The following LANCL2 variants were observed in gnomAD, a reference collection of about 807,000 sequenced individuals.
LANCL2 encodes LanC like glutathione S-transferase 2.
LANCL2 carries 33 observed loss-of-function variants against 56.9 expected under a neutral mutation model. The ratio of observed to expected loss-of-function variants is 0.58; its 90% CI spans 0.44 to 0.78. The LOEUF (loss-of-function observed/expected upper bound fraction) is 0.78. Ranked by LOEUF, LANCL2 falls within the 30% of genes least tolerant of loss-of-function variation. The pLI is 0.00. For synonymous variants in LANCL2, 233 were observed against 228.2 expected, an observed-to-expected ratio of 1.02 and a Z score of -0.19; for missense variants, 562 against 580.2, an observed-to-expected ratio of 0.97 and a Z score of 0.32.
intron 1 of LANCL2, among the ~76,000 whole-genome samples, chr7:55,368,905 G>T (rs1789906084): frequency 6.6e-6 from 1 of 152,204 alleles, no homozygotes. Flanking sequence ...AGCACTTTGG[G>T]AGGTTGAGGC....
intron 1 of LANCL2, among the ~76,000 whole-genome samples, chr7:55,374,005 G>A (rs1404519935): frequency 6.6e-6 from 1 of 152,208 alleles, no homozygotes; most frequent in African/African-American, 2.4e-5. Flanking sequence ...GTACCATGCA[G>A]CAATTGTTTA....
rs1187947370 is a variant in LANCL2, at chr7:55,365,707, G to A, written c.-319G>A. ...CCGCGGACGGGCTCTGCGGGCCACGGGGAAGGTGCGAGGAGGCGCGAGCAG... is the reference window on the plus strand; with the variant it reads ...CCGCGGACGGGCTCTGCGGGCCACGAGGAAGGTGCGAGGAGGCGCGAGCAG... On this transcript the variant is annotated 5_prime_UTR_variant, in exon 1 of 9. Coordinates refer to ENST00000254770, the MANE Select transcript of LANCL2 (RefSeq NM_018697.4). The A allele has an allele frequency of 8.2e-6, 2 of 244,806 alleles. No homozygotes were observed. Among genetic ancestry groups the A allele is most frequent in the East Asian group, 7.4e-5 (1 of 13,460 alleles). The allele number at this position is 244,806 out of a possible 1,614,324, so 15.2% of individuals were successfully genotyped here. A position where few individuals can be genotyped will look rare whatever the true frequency, so the allele number is the denominator to read the frequency against.
At chr7:55,409,385 G>A (rs775989748) in intron 5 of LANCL2, among the ~76,000 whole-genome samples, 25 of 152,192 alleles carry the variant, frequency 1.6e-4, no homozygotes, top group African/African-American at 3.9e-4. Context: ...CACCGTGCCC[G>A]GCCAACTTCC....
At chr7:55,370,568 A>G (rs1789932013) in intron 1 of LANCL2, among the ~76,000 whole-genome samples, 1 of 152,224 alleles carries the variant, frequency 6.6e-6, no homozygotes, top group Non-Finnish European at 1.5e-5. Flanking sequence ...TGCAATGAGT[A>G]TTACAGTAAG....
At chr7:55,395,334 T>G (rs1392982728) in intron 2 of LANCL2, among the ~76,000 whole-genome samples, 1 of 152,214 alleles carries the variant, frequency 6.6e-6, no homozygotes, top group East Asian at 1.9e-4. Flanking sequence ...ACATTCATTT[T>G]GTAACTTAGT....
chr7:55,426,681 C>A (rs1488677273), intron 7 of LANCL2, among the ~76,000 whole-genome samples: 1 of 152,048 alleles, frequency 6.6e-6, no homozygotes, highest in Non-Finnish European at 1.5e-5. Context: ...AGGGACAGCT[C>A]GAAATTAAGC....
intron 5 of LANCL2, 133 bp downstream of exon 5, chr7:55,401,453 TA>T: frequency 2.3e-6 from 1 of 442,384 alleles, no homozygotes; most frequent in African/African-American, 2.1e-5. Flanking sequence ...CTCTGCCACA[TA>T]AACCACAGGC....
At chr7:55,399,904 A>C in intron 3 of LANCL2, 53 bp from the exon 4 acceptor site, 1 of 1,482,470 alleles carries the variant, frequency 6.7e-7, no homozygotes. Context: ...GTGTTTCAGG[A>C]AGAAGTACTT....
intron 7 of LANCL2, among the ~76,000 whole-genome samples, chr7:55,426,948 A>G (rs1370152118): frequency 2.0e-5 from 3 of 152,196 alleles, no homozygotes; most frequent in Non-Finnish European, 4.4e-5. Flanking sequence ...CCGGTTCTTT[A>G]AAGATGAGGG....
chr7:55,399,054 G>A (rs757006566), intron 3 of LANCL2, among the ~76,000 whole-genome samples: 10 of 152,124 alleles, frequency 6.6e-5, no homozygotes, highest in Admixed American at 1.3e-4. Flanking sequence ...CAGAAATCAC[G>A]GTTCATTCCT....
intron 1 of LANCL2, among the ~76,000 whole-genome samples, chr7:55,390,734 T>C (rs1790177923): frequency 6.7e-6 from 1 of 150,068 alleles, no homozygotes; most frequent in African/African-American, 2.5e-5. Context: ...TGAACTGAGA[T>C]CACACCACAG....
In LANCL2 at chr7:55,390,889, A is replaced by G. The variant is rs1790179733; in HGVS notation, c.205-904A>G. 2.0e-5 allele frequency among the ~76,000 whole-genome samples: 3 copies of G among 152,016 alleles called. No individual in the cohort carries two copies. The South Asian group carries it at 6.2e-4, about 32-fold the overall frequency. ...GAGAGACTGCCAACAATGAATAAGA[A>G]TACCTATTTTGTTTGCTCTTAGTCT... On this transcript the variant is annotated intron_variant, in intron 1 of 8. Transcript: ENST00000254770.
chr7:55,366,209 C>A lies in LANCL2; in HGVS notation c.184C>A (p.Pro62Thr). ...PPATTDEPGLPFHQDGKIIHN... is the reference protein window; with the variant it reads ...PPATTDEPGLTFHQDGKIIHN... ...GGCGACCACGGATGAGCCCGGCCTC[C>A]CTTTTCATCAGGACGGGAAGGTGAG... Residue 62 changes from proline to threonine, a missense_variant, in exon 1 of 9, where the codon CCT becomes ACT. Physicochemically the swap from Pro to Thr is conservative, Grantham distance 38 (BLOSUM62 -1). Around this residue, in one of 2 missense-constraint regions of LANCL2, gnomAD observed 184 missense variants for 111.8 expected, o/e 1.65. Transcript: ENST00000254770. The A allele has an allele frequency of 1.3e-6, 2 of 1,540,602 alleles. No homozygotes were observed. The highest frequency in any genetic ancestry group is 1.8e-6 in the Non-Finnish European group (2 of 1,139,756).
At chr7:55,371,123 A>T (rs1007691300) in intron 1 of LANCL2, among the ~76,000 whole-genome samples, 1 of 152,084 alleles carries the variant, frequency 6.6e-6, no homozygotes, top group African/African-American at 2.4e-5. Flanking sequence ...AGAGCTCTAG[A>T]CTTGTTTGTC....
chr7:55,373,795 A>G (rs1388513753), intron 1 of LANCL2, among the ~76,000 whole-genome samples: 1 of 152,252 alleles, frequency 6.6e-6, no homozygotes, highest in African/African-American at 2.4e-5. Context: ...GGACTCTTAG[A>G]TGACATTCCA....
chr7:55,412,300 G>C (rs1790480482), intron 6 of LANCL2, among the ~76,000 whole-genome samples: 2 of 152,252 alleles, frequency 1.3e-5, no homozygotes. Flanking sequence ...GTGATTGTGT[G>C]TGTTAACAGG....
At chr7:55,407,958 C>CCAGT (rs1790428542) in intron 5 of LANCL2, among the ~76,000 whole-genome samples, 1 of 152,198 alleles carries the variant, frequency 6.6e-6, no homozygotes, top group South Asian at 2.1e-4. Flanking sequence ...TGAGCACAGA[C>CCAGT]CAGTAGCCGA....
chr7:55,431,187 T>C (rs1415667774), intron 8 of LANCL2, 39 bp from the exon 9 acceptor site: 8 of 1,467,194 alleles, frequency 5.5e-6, no homozygotes, highest in Non-Finnish European at 7.6e-6. Context: ...GACACTACCC[T>C]TATGCCATTC....
At chr7:55,409,641 C>T (rs574073573) in intron 5 of LANCL2, among the ~76,000 whole-genome samples, 84 of 152,240 alleles carry the variant, frequency 5.5e-4, no homozygotes, top group Middle Eastern at 3.4e-3. Context: ...AGGAAGTTGA[C>T]AGGTGCAAGT....
Sources: allele counts gnomAD v4.1 joint callset (sites outside exome capture counted in the v4.1 genomes callset), GRCh38; gene constraint gnomAD v4.1.1; regional missense constraint gnomAD v4.1.1; transcripts MANE v1.5; gene names NCBI Gene and HGNC (gene_info 2026-07-23, HGNC 2026-07-21).